The following ASIC2 variants were observed in gnomAD, a reference collection of about 807,000 sequenced individuals.
The protein encoded by ASIC2 is acid sensing ion channel subunit 2.
ASIC2 carries 25 observed loss-of-function variants against 57.3 expected under a neutral mutation model. The observed-to-expected ratio is 0.44, with a 90% CI of 0.32 to 0.61. The LOEUF is 0.61. ASIC2 is among the 20% of genes least tolerant of loss of function. ASIC2 has a pLI of 0.06. For missense variants in ASIC2, 641 were observed against 738.1 expected (o/e 0.87, Z 1.52); for synonymous variants, 319 against 307.5 (o/e 1.04, Z -0.39).
chr17:33,157,984 T>G (rs1905055745), intron 1 of ASIC2, among the ~76,000 whole-genome samples: 1 of 152,222 alleles, frequency 6.6e-6, no homozygotes, highest in South Asian at 2.1e-4. Context: ...CCTCCTGGAA[T>G]GTTCCTCCCC....
At chr17:33,583,447 T>A (rs1904507104) in intron 1 of ASIC2, among the ~76,000 whole-genome samples, 1 of 152,186 alleles carries the variant, frequency 6.6e-6, no homozygotes, top group Admixed American at 6.5e-5. Context: ...AGAAGAGAAG[T>A]TGCTTCGCAG....
intron 1 of ASIC2, among the ~76,000 whole-genome samples, chr17:34,128,991 G>A (rs1250897878): frequency 1.3e-5 from 2 of 152,142 alleles, no homozygotes; most frequent in African/African-American, 4.8e-5. Flanking sequence ...GGGCTCCACA[G>A]CAGAGGGAGT....
chr17:33,292,026 C>G lies in ASIC2; in HGVS notation c.90G>C (p.Ala30=). The change falls in exon 1 of 10, where the codon GCG becomes GCC. Residue 30 remains alanine, a synonymous_variant. Coordinates refer to ENST00000225823, the MANE Select transcript of ASIC2 (RefSeq NM_183377.2). ...CGGGCTGCCCGGCAGCCGCCAACGC[C>G]GCGGGCGCCGGCTCCTCGCGGGCCA... ...FRMAREEPAP[A]ALAAAGQPGG... The G allele has an allele frequency of 8.5e-7, 1 of 1,176,954 alleles. No individual in the cohort carries two copies. Among genetic ancestry groups the G allele is most frequent in the Non-Finnish European group, 1.0e-6 (1 of 958,160 alleles). 72.9% of individuals were successfully genotyped at this position (1,176,954 alleles called of 1,614,324 possible). A position where few individuals can be genotyped will look rare whatever the true frequency, so the allele number is the denominator to read the frequency against.
intron 1 of ASIC2, among the ~76,000 whole-genome samples, chr17:33,143,952 A>G (rs1278262729): frequency 6.6e-6 from 1 of 152,130 alleles, no homozygotes; most frequent in Non-Finnish European, 1.5e-5. Flanking sequence ...CAGTGTAGTA[A>G]ACATGGTCTG....
chr17:34,038,084 A>T, intron 1 of ASIC2: 1 of 1,613,350 alleles, frequency 6.2e-7, no homozygotes, highest in Non-Finnish European at 8.5e-7. Context: ...ATCATCCATG[A>T]TCTTCGAAAG....
At chr17:33,949,347 T>A (rs940052108) in intron 1 of ASIC2, among the ~76,000 whole-genome samples, 10 of 152,208 alleles carry the variant, frequency 6.6e-5, no homozygotes, top group Non-Finnish European at 1.2e-4. Context: ...TCGCTGGCCA[T>A]AGACTAGCAG....
rs910552837 is a variant in ASIC2, at chr17:33,617,645, T to C, written c.556-505578A>G. Among the ~76,000 whole-genome samples the C allele has an allele frequency of 3.3e-5, 5 of 152,198 alleles. No homozygotes were observed. In the East Asian group the frequency reaches 9.6e-4, roughly 29 times the overall value. On this transcript the variant is annotated intron_variant, in intron 1 of 9. Transcript: ENST00000359872. ...CAGACCTGCACATGTACCCCGGACC[T>C]AAAATAAAAGTTAAATTATGCTTCT...
At chr17:33,050,230 C>T (rs16582) in intron 3 of ASIC2, among the ~76,000 whole-genome samples, 60,185 of 151,980 alleles carry the variant, frequency 0.4, 13,092 homozygotes, top group East Asian at 0.65. Flanking sequence ...AGAGGCCATT[C>T]CTCAGCTCCC....
chr17:33,554,930 C>T (rs955084692), intron 1 of ASIC2, among the ~76,000 whole-genome samples: 1 of 152,114 alleles, frequency 6.6e-6, no homozygotes, highest in East Asian at 1.9e-4. Context: ...TCTCACATAT[C>T]AAGGTGAGGC....
chr17:33,268,311 T>C (rs1403188797), intron 1 of ASIC2, among the ~76,000 whole-genome samples: 3 of 151,984 alleles, frequency 2.0e-5, no homozygotes, highest in African/African-American at 7.3e-5. Flanking sequence ...CACCCATCAT[T>C]TATCCACCCA....
At position 34,048,184 on chromosome 17, in the gene ASIC2, C is replaced by T. The variant is rs571731976; in HGVS notation, c.555+107794G>A. ...ACTGCCTGTGTGTTCTGAGTTCTCTCACTTCTAGGATACATCTTCTTCATT... is the reference window on the plus strand; with the variant it reads ...ACTGCCTGTGTGTTCTGAGTTCTCTTACTTCTAGGATACATCTTCTTCATT... On this transcript the variant is annotated intron_variant, in intron 1 of 9. Coordinates refer to the ASIC2 transcript ENST00000359872. 5.5e-4 allele frequency among the ~76,000 whole-genome samples: 84 copies of T among 152,318 alleles called. 1 individual carries two copies. Among genetic ancestry groups the T allele is most frequent in the African/African-American group, 2.0e-3 (83 of 41,574 alleles).
chr17:33,092,374 G>A (rs111513104), intron 2 of ASIC2, among the ~76,000 whole-genome samples: 99 of 152,360 alleles, frequency 6.5e-4, no homozygotes, highest in Non-Finnish European at 1.2e-3. Flanking sequence ...TTGAGTTGAA[G>A]ACCCAACTTG....
intron 1 of ASIC2, among the ~76,000 whole-genome samples, chr17:34,062,971 A>C (rs543301581): frequency 6.6e-6 from 1 of 152,178 alleles, no homozygotes; most frequent in Non-Finnish European, 1.5e-5. Context: ...TCCTTTTGAC[A>C]CTATTCCACC....
rs115343470 is a variant in ASIC2, at chr17:34,129,445, T to C, written c.555+26533A>G. On this transcript the variant is annotated intron_variant, in intron 1 of 9. Coordinates refer to the ASIC2 transcript ENST00000359872. ...CAACTTTGGGAATCCTGGTAGGACA[T>C]GACCGCATTTGATATACACACACAT... is the stretch of plus-strand genomic sequence containing the variant. Among the ~76,000 whole-genome samples, 314 of 152,330 alleles carry C rather than the reference T, an allele frequency of 2.1e-3. 1 individual carries two copies. Among genetic ancestry groups the C allele is most frequent in the African/African-American group, 7.3e-3 (302 of 41,582 alleles).
At chr17:33,259,866 T>C (rs576110589) in intron 1 of ASIC2, among the ~76,000 whole-genome samples, 2 of 152,302 alleles carry the variant, frequency 1.3e-5, no homozygotes, top group South Asian at 2.1e-4. Context: ...GTCTGGAGCC[T>C]GAGACTTTGC....
chr17:33,327,026 T>C (rs1186072558), intron 1 of ASIC2, among the ~76,000 whole-genome samples: 1 of 152,208 alleles, frequency 6.6e-6, no homozygotes, highest in Non-Finnish European at 1.5e-5. Context: ...AGTCAATGAG[T>C]CAGGTATCAT....
intron 1 of ASIC2, among the ~76,000 whole-genome samples, chr17:34,075,425 A>G (rs957249067): frequency 6.6e-6 from 1 of 152,216 alleles, no homozygotes; most frequent in Non-Finnish European, 1.5e-5. Flanking sequence ...AGACTCAATC[A>G]GTGGGTTTCA....
At chr17:33,385,784 C>T (rs139031176) in intron 1 of ASIC2, among the ~76,000 whole-genome samples, 3 of 152,284 alleles carry the variant, frequency 2.0e-5, no homozygotes, top group Non-Finnish European at 4.4e-5. Flanking sequence ...AAGACACAAA[C>T]TCTGCAGTTT....
chr17:33,344,688 C>G lies in ASIC2; in HGVS notation c.556-232621G>C, dbSNP rs371839471. Among the ~76,000 whole-genome samples the G allele has an allele frequency of 9.9e-5, 15 of 152,266 alleles. No homozygotes were observed. In the East Asian group the frequency reaches 2.3e-3, roughly 24 times the overall value. ...GGGCTTCCTTGTTTATAGTAGATCT[C>G]TCTGTGGTCTCTCCTCCCACTTAAC... On this transcript the variant is annotated intron_variant, in intron 1 of 9. Coordinates refer to the ASIC2 transcript ENST00000359872.
Sources: allele counts gnomAD v4.1 joint callset (sites outside exome capture counted in the v4.1 genomes callset), GRCh38; gene constraint gnomAD v4.1.1; transcripts MANE v1.5; gene names NCBI Gene and HGNC (gene_info 2026-07-23, HGNC 2026-07-21).